ZNF648: variants seen among roughly 807,000 people sequenced by gnomAD.
ZNF648 encodes zinc finger protein 648.
ZNF648 carries 1 observed loss-of-function variant against 0.3 expected under a neutral mutation model. The ratio of observed to expected loss-of-function variants is 3.90; its 90% confidence interval spans 1.39 to 18.51. The LOEUF is 18.51. ZNF648 is among the 30% of genes most tolerant of loss of function. The pLI, the probability that ZNF648 is intolerant of heterozygous loss-of-function variation, is 0.11. For synonymous variants in ZNF648, 376 were observed against 326.8 expected, an observed-to-expected ratio of 1.15 and a Z score of -1.62; for missense variants, 874 against 769.7, an observed-to-expected ratio of 1.14 and a Z score of -1.60.
intron 1 of ZNF648, among the ~76,000 whole-genome samples, chr1:182,060,547 C>T (rs1322612018): frequency 6.6e-6 from 1 of 152,204 alleles, no homozygotes; most frequent in African/African-American, 2.4e-5. Flanking sequence ...CATCTCACGT[C>T]TCTTTGTGCC....
chr1:182,057,376 GC>G lies in ZNF648; in HGVS notation c.634del (p.Ala212ArgfsTer55). Reference protein sequence around the residue: ...PTQETHTPAQASATPASLAAA... With the variant: ...PTQETHTPAQXSATPASLAAA... ...AGCCAGGCTGGCTGGGGTGGCCGAC[GC>G]CTGGGCTGGTGTATGTGTCTCTTGC... On this transcript the variant is annotated frameshift_variant, in exon 2 of 2. Transcript: ENST00000339948. LOFTEE classifies it low-confidence loss of function (END_TRUNC). 6.2e-7 allele frequency: 1 copy of G among 1,612,772 alleles called. No homozygotes were observed. The highest frequency in any genetic ancestry group is 8.5e-7 in the Non-Finnish European group (1 of 1,179,928).
chr1:182,056,229 C>T lies in ZNF648; in HGVS notation c.*75G>A. 3 of 1,521,984 alleles carry T rather than the reference C, an allele frequency of 2.0e-6. No homozygotes were observed. The highest frequency in any genetic ancestry group is 1.8e-6 in the Non-Finnish European group (2 of 1,135,064). The allele number at this position is 1,521,984 out of a possible 1,614,324, so 94.3% of individuals were successfully genotyped here. A position where few individuals can be genotyped will look rare whatever the true frequency, so the allele number is the denominator to read the frequency against. ...GCGACCTGCTGGGAGGCGAGGCTGA[C>T]CAGTGAGGCTGGCAATACCATGTGA... On this transcript the variant is annotated 3_prime_UTR_variant, in exon 2 of 2. Transcript: ENST00000339948.
At chr1:182,064,695 C>T (rs546629183), upstream of ZNF648, 32 of 152,290 alleles carry the variant, frequency 2.1e-4, no homozygotes, top group African/African-American at 7.2e-4. Context: ...ATGTTGAGAA[C>T]CATTGGCATT....
Position 182,056,205 on chromosome 1 carries a change from C to T in ZNF648, c.*99G>A. ...AATCAAATGGACCACTGATGACCCG[C>T]GACCTGCTGGGAGGCGAGGCTGACC... On this transcript the variant is annotated 3_prime_UTR_variant, in exon 2 of 2. Coordinates refer to ENST00000339948, the MANE Select transcript of ZNF648 (RefSeq NM_001009992.1). 6.8e-7 allele frequency: 1 copy of T among 1,464,220 alleles called. No homozygotes were observed. The highest frequency in any genetic ancestry group is 2.3e-5 in the East Asian group (1 of 43,696). The allele number at this position is 1,464,220 out of a possible 1,614,324, so 90.7% of individuals were successfully genotyped here.
chr1:182,066,932 G>A, the ZNF648 span, among the ~76,000 whole-genome samples: 2 of 152,172 alleles, frequency 1.3e-5, no homozygotes, highest in African/African-American at 4.8e-5. Flanking sequence ...GCCATTCTCT[G>A]ATTCTGGTCT....
chr1:182,067,778 G>T, the ZNF648 span, among the ~76,000 whole-genome samples: 1 of 152,240 alleles, frequency 6.6e-6, no homozygotes, highest in Admixed American at 6.5e-5. Flanking sequence ...CAAGCAGTTG[G>T]ATGGGTTCAT....
At chr1:182,067,899 G>T in the ZNF648 span, among the ~76,000 whole-genome samples, 2 of 152,312 alleles carry the variant, frequency 1.3e-5, no homozygotes, top group Admixed American at 1.3e-4. Flanking sequence ...GAGACTTCAG[G>T]CCTCCACTCC....
rs1012762615 is a variant in ZNF648 at position 182,057,502 on chromosome 1, T to C, written c.509A>G (p.Asn170Ser). 2.1e-5 allele frequency: 34 copies of C among 1,614,114 alleles called. No individual in the cohort carries two copies. Among genetic ancestry groups the C allele is most frequent in the African/African-American group, 2.7e-5 (2 of 74,942 alleles). Residue 170 changes from asparagine to serine, a missense_variant, in exon 2 of 2, where the codon AAT becomes AGT. Transcript: ENST00000339948. Reference protein sequence around the residue: ...VLDVPPSFPSNGKYLCAHKSV... With the variant: ...VLDVPPSFPSSGKYLCAHKSV... Reference sequence around the variant, plus strand: ...TTTGTGCGCACAGAGATACTTTCCATTGCTGGGGAAGCTGGGTGGGACATC... The same window carrying C: ...TTTGTGCGCACAGAGATACTTTCCACTGCTGGGGAAGCTGGGTGGGACATC...
intron 1 of ZNF648, among the ~76,000 whole-genome samples, chr1:182,060,431 C>T (rs774752271): frequency 4.6e-5 from 7 of 152,190 alleles, no homozygotes; most frequent in Non-Finnish European, 8.8e-5. Context: ...CCCAGTTACC[C>T]TGTGTGTATG....
chr1:182,057,528 C>T lies in ZNF648; in HGVS notation c.483G>A (p.Leu161=). 6.2e-7 allele frequency: 1 copy of T among 1,614,214 alleles called. No homozygotes were observed. The highest frequency in any genetic ancestry group is 1.1e-5 in the South Asian group (1 of 91,082). The change falls in exon 2 of 2, where the codon TTG becomes TTA. Residue 161 remains leucine (L), a synonymous_variant. Coordinates refer to ENST00000339948, the MANE Select transcript of ZNF648 (RefSeq NM_001009992.1). ...TGCTGGGGAAGCTGGGTGGGACATCCAAGACTGCGTCCTGGTTTGCCCCCG... is the reference window on the plus strand; with the variant it reads ...TGCTGGGGAAGCTGGGTGGGACATCTAAGACTGCGTCCTGGTTTGCCCCCG... ...GYSGANQDAV[L]DVPPSFPSNG...
In ZNF648 at chr1:182,057,134, TGC is replaced by T; in HGVS notation, c.875_876del (p.Gly292AspfsTer70). The T allele has an allele frequency of 6.2e-7, 1 of 1,605,702 alleles. No homozygotes were observed. Among genetic ancestry groups the T allele is most frequent in the Non-Finnish European group, 8.5e-7 (1 of 1,179,540 alleles). ...ELCGKAYSHR[G>X]TLQQHRRLHT... is the part of the protein sequence containing the mutation. ...TGCAGGCGCCTGTGCTGCTGGAGTG[TGC>T]CGCGGTGGGAGTAGGCCTTCCCGCA... On this transcript the variant is annotated frameshift_variant, in exon 2 of 2. Transcript: ENST00000339948. LOFTEE classifies it low-confidence loss of function (END_TRUNC).
rs756669724 is a variant in ZNF648, at chr1:182,057,893, C to A, written c.118G>T (p.Gly40Cys). The change falls in exon 2 of 2, where the codon GGT (glycine) becomes TGT (cysteine). Residue 40 changes from glycine (G) to cysteine (C), a missense_variant. Coordinates refer to ENST00000339948, the MANE Select transcript of ZNF648 (RefSeq NM_001009992.1). The part of the protein sequence containing the change: ...SMNLESDDED[G>C]GEAEKEGTAD... ...GTGCCCTCTTTTTCGGCCTCCCCAC[C>A]ATCTTCATCGTCACTCTCTAAGTTC... 166 of 1,614,002 alleles carry A rather than the reference C, an allele frequency of 1.0e-4. No individual in the cohort carries two copies. The highest frequency in any genetic ancestry group is 1.4e-4 in the Non-Finnish European group (160 of 1,180,032).
chr1:182,065,795 C>A (rs985954296), upstream of ZNF648, among the ~76,000 whole-genome samples: 2 of 152,228 alleles, frequency 1.3e-5, no homozygotes, highest in African/African-American at 4.8e-5. Flanking sequence ...GGGTGCAGAT[C>A]AGGCCTCAGA....
At position 182,054,874 on chromosome 1, in the gene ZNF648, T is replaced by C. The variant is rs1403942013; in HGVS notation, c.*1430A>G. ...CTATCTAGCTATCTAGCTATCTAGCTATCTCTCTTACTTCTCTTTGGCGCC... is the reference window on the plus strand; with the variant it reads ...CTATCTAGCTATCTAGCTATCTAGCCATCTCTCTTACTTCTCTTTGGCGCC... On this transcript the variant is annotated 3_prime_UTR_variant, in exon 2 of 2. Transcript: ENST00000339948. 6.6e-6 allele frequency: 1 copy of C among 152,230 alleles called. No individual in the cohort carries two copies. The highest frequency in any genetic ancestry group is 1.5e-5 in the Non-Finnish European group (1 of 68,042). 9.4% of individuals were successfully genotyped at this position (152,230 alleles called of 1,614,324 possible). A position where few individuals can be genotyped will look rare whatever the true frequency, so the allele number is the denominator to read the frequency against.
chr1:182,069,279 A>G, the ZNF648 span: 1 of 152,162 alleles, frequency 6.6e-6, no homozygotes, highest in African/African-American at 2.4e-5. Flanking sequence ...GGCCCCCATC[A>G]AAACCACACG....
At chr1:182,063,182 T>C (rs1666053142), upstream of ZNF648, 1 of 152,258 alleles carries the variant, frequency 6.6e-6, no homozygotes, top group African/African-American at 2.4e-5. Context: ...CATGTATCTT[T>C]ATAATAGAAT....
At chr1:182,063,210 G>A (rs1419422756), upstream of ZNF648, 1 of 152,182 alleles carries the variant, frequency 6.6e-6, no homozygotes, top group Non-Finnish European at 1.5e-5. Context: ...ATTCCTTTGG[G>A]TATATTCCCA....
chr1:182,060,069 T>C (rs545800908), intron 1 of ZNF648, among the ~76,000 whole-genome samples: 1 of 152,324 alleles, frequency 6.6e-6, no homozygotes, highest in South Asian at 2.1e-4. Context: ...GCCGTGGCTT[T>C]CTGCAGGCAT....
rs1433573673 is a variant in ZNF648, at chr1:182,057,505, C to T, written c.506G>A (p.Ser169Asn). 2 of 1,614,242 alleles carry T rather than the reference C, an allele frequency of 1.2e-6. No homozygotes were observed. The highest frequency in any genetic ancestry group is 3.3e-5 in the Admixed American group (2 of 60,030). Residue 169 changes from serine to asparagine, a missense_variant, in exon 2 of 2, where the codon AGC (serine) becomes AAC (asparagine). By Grantham distance (46) the Ser-to-Asn change is conservative. Coordinates refer to ENST00000339948, the MANE Select transcript of ZNF648 (RefSeq NM_001009992.1). ...AVLDVPPSFP[S>N]NGKYLCAHKS... ...GTGCGCACAGAGATACTTTCCATTG[C>T]TGGGGAAGCTGGGTGGGACATCCAA...
Sources: gnomAD v4.1 joint callset for allele counts (sites outside exome capture counted in the v4.1 genomes callset) on GRCh38, gnomAD v4.1.1 for gene constraint, MANE v1.5 for transcripts, NCBI Gene and HGNC (gene_info 2026-07-23, HGNC 2026-07-21) for gene names.